Variants in SPPL3 observed in about 807,000 individuals in gnomAD.
The protein encoded by SPPL3 is signal peptide peptidase like 3, also known as signal peptide peptidase-like 3.
A neutral mutation model predicts 42.4 loss-of-function variants in SPPL3; 5 were observed. The observed-to-expected ratio is 0.12, with a 90% CI of 0.06 to 0.25. The LOEUF (loss-of-function observed/expected upper bound fraction) is 0.25. Among genes scored for constraint, SPPL3 ranks in the 10% least tolerant of loss-of-function variants. SPPL3 has a pLI of 1.00. For synonymous variants in SPPL3, 195 were observed against 181.8 expected, an observed-to-expected ratio of 1.07 and a Z score of -0.58; for missense variants, 235 against 489.0, an observed-to-expected ratio of 0.48 and a Z score of 4.90.
intron 1 of SPPL3, among the ~76,000 whole-genome samples, chr12:120,853,458 T>G (rs979271373): frequency 1.3e-5 from 2 of 152,190 alleles, no homozygotes; most frequent in Non-Finnish European, 1.5e-5. Context: ...CCTTAGTAAC[T>G]TCTAAAAATG....
intron 2 of SPPL3, among the ~76,000 whole-genome samples, chr12:120,801,780 T>A (rs1260374175): frequency 6.6e-6 from 1 of 152,212 alleles, no homozygotes; most frequent in Non-Finnish European, 1.5e-5. Flanking sequence ...GTGAATGATA[T>A]GGTTTAGCCT....
chr12:120,868,830 C>T (rs1872840795), intron 1 of SPPL3, among the ~76,000 whole-genome samples: 1 of 152,122 alleles, frequency 6.6e-6, no homozygotes, highest in Admixed American at 6.5e-5. Context: ...TTTTCATATA[C>T]ATCTGAAGTG....
chr12:120,896,132 T>G (rs1488103922), intron 1 of SPPL3, among the ~76,000 whole-genome samples: 1 of 152,142 alleles, frequency 6.6e-6, no homozygotes, highest in Non-Finnish European at 1.5e-5. Flanking sequence ...GGGAATACCC[T>G]ACAAACCAAG....
intron 5 of SPPL3, 36 bp downstream of exon 5, chr12:120,783,638 A>G (rs749823706): frequency 6.5e-7 from 1 of 1,536,590 alleles, no homozygotes; most frequent in Non-Finnish European, 8.9e-7. Context: ...AATATATACA[A>G]GTTTATAATT....
chr12:120,833,470 G>A lies in SPPL3; in HGVS notation c.24-22584C>T, dbSNP rs143952350. ...ATGGAGAGCATTTGGGAATGACTTA[G>A]TATGAGGAGCAAGAGACATGTAGGA... is the stretch of plus-strand genomic sequence containing the variant. On this transcript the variant is annotated intron_variant, in intron 1 of 10. Coordinates refer to ENST00000353487, the MANE Select transcript of SPPL3 (RefSeq NM_139015.5). 1.2e-4 allele frequency among the ~76,000 whole-genome samples: 18 copies of A among 152,226 alleles called. No individual in the cohort carries two copies. The East Asian group carries it at 3.5e-3, about 29-fold the overall frequency.
intron 1 of SPPL3, among the ~76,000 whole-genome samples, chr12:120,886,820 C>G (rs1873474947): frequency 6.6e-6 from 1 of 152,096 alleles, no homozygotes; most frequent in Non-Finnish European, 1.5e-5. Context: ...AAGTATTTAC[C>G]ACCTCTGGAA....
intron 8 of SPPL3, among the ~76,000 whole-genome samples, chr12:120,767,814 C>T (rs1231261384): frequency 6.6e-6 from 1 of 152,158 alleles, no homozygotes; most frequent in Non-Finnish European, 1.5e-5. Context: ...TTCAGGAGAG[C>T]CCCTTGGAAG....
chr12:120,839,511 TAAACAAAAACAA>T (rs764746874), intron 1 of SPPL3, among the ~76,000 whole-genome samples: 1 of 152,004 alleles, frequency 6.6e-6, no homozygotes, highest in Non-Finnish European at 1.5e-5. Flanking sequence ...AGTATAATAA[TAAACAAAAACAA>T]AAACAAAAAC....
Position 120,768,379 on chromosome 12 carries a change from T to A in SPPL3, c.719A>T (p.Asn240Ile). Residue 240 changes from asparagine (N) to isoleucine (I), a missense_variant, in exon 8 of 11, where the codon AAT becomes ATT. Asn to Ile is a moderately radical substitution (Grantham distance 149, BLOSUM62 -3). Transcript: ENST00000353487. ...CAGGCGAGGAACATCACGCCCAACATTGGGCCCCAGGTGGAGCTTCCGGGA... is the reference window on the plus strand; with the variant it reads ...CAGGCGAGGAACATCACGCCCAACAATGGGCCCCAGGTGGAGCTTCCGGGA... ...VLSRKLHLGPNVGRDVPRLSL... is the reference protein window; with the variant it reads ...VLSRKLHLGPIVGRDVPRLSL... 6 of 1,614,164 alleles carry A rather than the reference T, an allele frequency of 3.7e-6. No homozygotes were observed. The highest frequency in any genetic ancestry group is 5.1e-6 in the Non-Finnish European group (6 of 1,180,022).
chr12:120,787,270 TCTC>T (rs1869752096), intron 3 of SPPL3, among the ~76,000 whole-genome samples: 1 of 152,158 alleles, frequency 6.6e-6, no homozygotes, highest in African/African-American at 2.4e-5. Context: ...CAACTATACA[TCTC>T]CATCAATCTT....
At chr12:120,888,170 C>A (rs973355309) in intron 1 of SPPL3, among the ~76,000 whole-genome samples, 6 of 152,112 alleles carry the variant, frequency 3.9e-5, no homozygotes, top group Non-Finnish European at 8.8e-5. Context: ...CTGCCTCTTG[C>A]GTTCAAGTGA....
At chr12:120,796,710 G>GCA (rs2136990278) in intron 2 of SPPL3, among the ~76,000 whole-genome samples, 1 of 152,162 alleles carries the variant, frequency 6.6e-6, no homozygotes, top group East Asian at 1.9e-4. Context: ...CTCAGTCTAG[G>GCA]GTAATTATTC....
At chr12:120,864,515 A>G (rs1302293527) in intron 1 of SPPL3, among the ~76,000 whole-genome samples, 1 of 152,226 alleles carries the variant, frequency 6.6e-6, no homozygotes, top group Non-Finnish European at 1.5e-5. Flanking sequence ...AGCCCAGACA[A>G]GAACGAAACC....
chr12:120,774,773 C>T (rs552397472), intron 6 of SPPL3, among the ~76,000 whole-genome samples: 8 of 152,138 alleles, frequency 5.3e-5, no homozygotes, highest in African/African-American at 1.9e-4. Context: ...CTCCTCAGGG[C>T]TTTTCAAGGC....
intron 1 of SPPL3, among the ~76,000 whole-genome samples, chr12:120,881,025 T>G (rs976748324): frequency 4.0e-5 from 6 of 151,702 alleles, no homozygotes; most frequent in Non-Finnish European, 7.4e-5. Context: ...TTCATACCCA[T>G]TAGGATGGCT....
intron 1 of SPPL3, among the ~76,000 whole-genome samples, chr12:120,895,354 G>C (rs1471333654): frequency 4.6e-5 from 7 of 151,734 alleles, no homozygotes; most frequent in African/African-American, 1.7e-4. Flanking sequence ...TTGAACCCAG[G>C]AGGTAGAGGT....
At chr12:120,852,236 GA>G (rs977469088) in intron 1 of SPPL3, among the ~76,000 whole-genome samples, 5 of 151,286 alleles carry the variant, frequency 3.3e-5, no homozygotes, top group Non-Finnish European at 2.9e-5. Flanking sequence ...AATAATTTAG[GA>G]AACTCCCAGT....
chr12:120,902,384 GTCT>G (rs1184234300), intron 1 of SPPL3, among the ~76,000 whole-genome samples: 5 of 152,074 alleles, frequency 3.3e-5, no homozygotes, highest in Non-Finnish European at 5.9e-5. Flanking sequence ...TCCACTCAAA[GTCT>G]TCTACCTAAA....
intron 3 of SPPL3, among the ~76,000 whole-genome samples, chr12:120,788,227 C>T (rs2136982891): frequency 6.6e-6 from 1 of 152,274 alleles, no homozygotes; most frequent in South Asian, 2.1e-4. Context: ...GCATGTAGTG[C>T]TTTTTCATTA....
Sources: allele counts gnomAD v4.1 joint callset (sites outside exome capture counted in the v4.1 genomes callset), GRCh38; gene constraint gnomAD v4.1.1; transcripts MANE v1.5; gene names NCBI Gene and HGNC (gene_info 2026-07-23, HGNC 2026-07-21).